The following HS3ST4 variants were observed in gnomAD, a reference collection of about 807,000 sequenced individuals.
HS3ST4 encodes the protein heparan sulfate-glucosamine 3-sulfotransferase 4.
HS3ST4 carries 17 observed loss-of-function variants against 29.2 expected under a neutral mutation model. The observed-to-expected ratio is 0.58, with a 90% confidence interval of 0.40 to 0.87. HS3ST4 has a LOEUF of 0.87. HS3ST4 is among the 40% of genes least tolerant of loss of function. The pLI is 0.00. For missense variants in HS3ST4, 627 were observed against 634.5 expected (o/e 0.99, Z 0.13); for synonymous variants, 314 against 285.7 (o/e 1.10, Z -1.00).
chr16:25,735,031 C>T (rs1966597753), intron 1 of HS3ST4, among the ~76,000 whole-genome samples: 1 of 152,214 alleles, frequency 6.6e-6, no homozygotes, highest in Admixed American at 6.5e-5. Context: ...GGTCAAGGAA[C>T]TGACTCCTTG....
intron 1 of HS3ST4, among the ~76,000 whole-genome samples, chr16:25,834,059 C>T (rs1007123361): frequency 6.6e-6 from 1 of 151,968 alleles, no homozygotes; most frequent in Non-Finnish European, 1.5e-5. Context: ...GGGGTGCATG[C>T]GAAAATCAAA....
chr16:25,869,073 G>A (rs949452463), intron 1 of HS3ST4, among the ~76,000 whole-genome samples: 1 of 152,110 alleles, frequency 6.6e-6, no homozygotes, highest in Non-Finnish European at 1.5e-5. Context: ...AAGAATGATA[G>A]CAGTAATTAC....
intron 1 of HS3ST4, among the ~76,000 whole-genome samples, chr16:25,887,158 G>C (rs1337772647): frequency 1.3e-5 from 2 of 152,150 alleles, no homozygotes; most frequent in Non-Finnish European, 2.9e-5. Flanking sequence ...TTCGTGAAAG[G>C]AATGTCCACT....
Position 25,968,532 on chromosome 16 carries a change from A to G in HS3ST4, c.735-167080A>G, listed in dbSNP as rs541302757. 1.3e-3 allele frequency among the ~76,000 whole-genome samples: 191 copies of G among 151,908 alleles called. 1 individual carries two copies. Among genetic ancestry groups the G allele is most frequent in the African/African-American group, 4.4e-3 (183 of 41,414 alleles). On this transcript the variant is annotated intron_variant, in intron 1 of 1. Coordinates refer to ENST00000331351, the MANE Select transcript of HS3ST4 (RefSeq NM_006040.3). ...CAATGATCATTTCCTGTGTGTTTCT[A>G]TTTTCCTGCATTCAGCCTCCTTCAT...
At chr16:25,847,845 T>G (rs1376597485) in intron 1 of HS3ST4, among the ~76,000 whole-genome samples, 1 of 152,224 alleles carries the variant, frequency 6.6e-6, no homozygotes, top group Non-Finnish European at 1.5e-5. Context: ...TTCTGTCGTT[T>G]CATTTGGTTA....
intron 1 of HS3ST4, among the ~76,000 whole-genome samples, chr16:25,726,322 G>T (rs4238917): frequency 0.73 from 110,445 of 150,588 alleles, 41,411 homozygotes; most frequent in East Asian, 0.85. Context: ...ACACACACAC[G>T]TACACACACA....
intron 1 of HS3ST4, among the ~76,000 whole-genome samples, chr16:25,740,661 G>A (rs975573060): frequency 4.6e-5 from 7 of 152,122 alleles, no homozygotes; most frequent in African/African-American, 1.7e-4. Flanking sequence ...CTTCTTTATG[G>A]TAACCACTTT....
rs567512958 is a variant in HS3ST4 at position 25,931,124 on chromosome 16, C to T, written c.735-204488C>T. ...GCTCCTTCCCTTTAAAAAACCTCCA[C>T]CCCGGGAAATGCGGCCTTTGGGGAC... On this transcript the variant is annotated intron_variant, in intron 1 of 1. Coordinates refer to ENST00000331351, the MANE Select transcript of HS3ST4 (RefSeq NM_006040.3). 3.4e-5 allele frequency among the ~76,000 whole-genome samples: 5 copies of T among 149,074 alleles called. No individual in the cohort carries two copies. The East Asian group carries it at 9.7e-4, about 29-fold the overall frequency.
At chr16:26,127,749 C>A (rs373602024) in intron 1 of HS3ST4, among the ~76,000 whole-genome samples, 1 of 152,292 alleles carries the variant, frequency 6.6e-6, no homozygotes, top group Admixed American at 6.5e-5. Context: ...ACCTTCTCAG[C>A]CTGCTTTGGT....
rs576850657 is a variant in HS3ST4, at chr16:26,060,384, C to T, written c.735-75228C>T. On this transcript the variant is annotated intron_variant, in intron 1 of 1. Transcript: ENST00000331351. ...CCACCAGATTAACTTCAATTCTACA[C>T]CAGCTCGTCTTACTCCCTTGCTCCA... is the stretch of plus-strand genomic sequence containing the variant. Among the ~76,000 whole-genome samples, 24 of 152,308 alleles carry T rather than the reference C, an allele frequency of 1.6e-4. No homozygotes were observed. The South Asian group carries it at 2.9e-3, about 18-fold the overall frequency.
At chr16:25,845,559 A>G (rs1967457302) in intron 1 of HS3ST4, among the ~76,000 whole-genome samples, 3 of 152,030 alleles carry the variant, frequency 2.0e-5, no homozygotes, top group Admixed American at 2.0e-4. Context: ...TGCTGGGTCA[A>G]AGAGAAGACC....
At chr16:26,040,924 G>T (rs117953321) in intron 1 of HS3ST4, among the ~76,000 whole-genome samples, 44 of 152,032 alleles carry the variant, frequency 2.9e-4, no homozygotes, top group Admixed American at 4.6e-4. Context: ...ATAAGCAGCC[G>T]AGATGGAAAC....
chr16:26,109,299 C>T (rs920354099), intron 1 of HS3ST4, among the ~76,000 whole-genome samples: 4 of 152,118 alleles, frequency 2.6e-5, no homozygotes, highest in African/African-American at 7.2e-5. Flanking sequence ...GCAGCAACCT[C>T]GGGCGACAGC....
intron 1 of HS3ST4, among the ~76,000 whole-genome samples, chr16:25,705,946 C>T (rs1966373218): frequency 6.6e-6 from 1 of 152,142 alleles, no homozygotes; most frequent in African/African-American, 2.4e-5. Flanking sequence ...CATGAATTCC[C>T]CCAGGTTATT....
intron 1 of HS3ST4, among the ~76,000 whole-genome samples, chr16:26,035,004 A>C (rs1443264336): frequency 6.6e-6 from 1 of 151,964 alleles, no homozygotes; most frequent in African/African-American, 2.4e-5. Flanking sequence ...AGAAACAAAA[A>C]ACTGATTTTG....
intron 1 of HS3ST4, among the ~76,000 whole-genome samples, chr16:25,902,429 A>G (rs888131511): frequency 3.3e-5 from 5 of 152,140 alleles, no homozygotes; most frequent in African/African-American, 1.2e-4. Context: ...CTGAAGCTGC[A>G]GTGAGTTGTG....
intron 1 of HS3ST4, among the ~76,000 whole-genome samples, chr16:25,933,818 T>C (rs550119642): frequency 1.3e-5 from 2 of 152,142 alleles, no homozygotes; most frequent in South Asian, 4.1e-4. Context: ...TGGGCTCTTT[T>C]AAACAACCAG....
At chr16:25,849,465 T>C (rs1967497172) in intron 1 of HS3ST4, among the ~76,000 whole-genome samples, 1 of 152,178 alleles carries the variant, frequency 6.6e-6, no homozygotes, top group Non-Finnish European at 1.5e-5. Context: ...ATTTGATGAA[T>C]AACTTTTCAT....
chr16:25,731,375 G>T (rs1344002912), intron 1 of HS3ST4, among the ~76,000 whole-genome samples: 1 of 152,116 alleles, frequency 6.6e-6, no homozygotes, highest in Non-Finnish European at 1.5e-5. Context: ...AGGCCTCCCT[G>T]TGTTGCCCAG....
Sources: allele counts gnomAD v4.1 joint callset (sites outside exome capture counted in the v4.1 genomes callset), GRCh38; gene constraint gnomAD v4.1.1; transcripts MANE v1.5; gene names NCBI Gene and HGNC (gene_info 2026-07-23, HGNC 2026-07-21).